Variants in FOXP1 observed in about 807,000 individuals in gnomAD.
The protein encoded by FOXP1 is forkhead box P1, also known as forkhead box protein P1.
A neutral mutation model predicts 98.2 loss-of-function variants in FOXP1; 15 were observed. The ratio of observed to expected loss-of-function variants is 0.15; its 90% CI spans 0.10 to 0.24. The LOEUF is 0.24. Among genes scored for constraint, FOXP1 ranks in the 10% least tolerant of loss-of-function variants. FOXP1 has a pLI of 1.00. For missense variants in FOXP1, 633 were observed against 848.5 expected (o/e 0.75, Z 3.15); for synonymous variants, 371 against 314.5 (o/e 1.18, Z -1.90).
In FOXP1 at chr3:71,508,706, C is replaced by G. The variant is rs888215020; in HGVS notation, c.-297-15151G>C. Among the ~76,000 whole-genome samples, 7 of 152,130 alleles carry G rather than the reference C, an allele frequency of 4.6e-5. No homozygotes were observed. In the South Asian group the frequency reaches 1.0e-3, roughly 23 times the overall value. ...GCAATGTGTCCCAATATCTTTTAAC[C>G]AATTATCGTAATAGATCCTACAACC... On this transcript the variant is annotated intron_variant, in intron 2 of 20. Coordinates refer to ENST00000649528, the MANE Select transcript of FOXP1 (RefSeq NM_001349338.3).
chr3:71,163,702 TC>T (rs750722360), intron 6 of FOXP1, among the ~76,000 whole-genome samples: 52 of 152,288 alleles, frequency 3.4e-4, no homozygotes, highest in South Asian at 6.2e-4. Context: ...TCTGTTTAGT[TC>T]ATCATTCCTA....
At chr3:71,289,122 T>C (rs1733513) in intron 5 of FOXP1, among the ~76,000 whole-genome samples, 140,471 of 151,906 alleles carry the variant, frequency 0.92, 64,988 homozygotes, top group Admixed American at 0.95. Flanking sequence ...GCAACCTCCG[T>C]CTCCCGGGTC....
At chr3:71,371,926 T>G (rs183164244) in intron 3 of FOXP1, among the ~76,000 whole-genome samples, 20 of 152,250 alleles carry the variant, frequency 1.3e-4, no homozygotes, top group African/African-American at 4.8e-4. Flanking sequence ...TATTCCTTAC[T>G]CTGAGGCTTA....
At chr3:71,466,295 G>A (rs2088727493) in intron 3 of FOXP1, among the ~76,000 whole-genome samples, 1 of 152,126 alleles carries the variant, frequency 6.6e-6, no homozygotes, top group Non-Finnish European at 1.5e-5. Flanking sequence ...ATCTGAACAG[G>A]CGAGCTGCTA....
intron 5 of FOXP1, among the ~76,000 whole-genome samples, chr3:71,251,742 A>T (rs2068206135): frequency 6.6e-6 from 1 of 152,242 alleles, no homozygotes; most frequent in Admixed American, 6.5e-5. Context: ...TGATACCAAG[A>T]AATTTTAGCT....
Position 71,569,296 on chromosome 3 carries a change from C to T in FOXP1, c.-298+12253G>A, listed in dbSNP as rs368119623. On this transcript the variant is annotated intron_variant, in intron 2 of 20. Coordinates refer to ENST00000649528, the MANE Select transcript of FOXP1 (RefSeq NM_001349338.3). ...AGCAGTTCCGTTTACCAAATATGCA[C>T]ATGTGTACACAAGTGCATGCAGACG... is the stretch of plus-strand genomic sequence containing the variant. Among the ~76,000 whole-genome samples, 5 of 152,312 alleles carry T rather than the reference C, an allele frequency of 3.3e-5. No homozygotes were observed. The East Asian group carries it at 7.7e-4, about 24-fold the overall frequency.
intron 5 of FOXP1, among the ~76,000 whole-genome samples, chr3:71,272,500 G>C (rs1238052703): frequency 6.6e-6 from 1 of 152,182 alleles, no homozygotes; most frequent in South Asian, 2.1e-4. Context: ...CTCAGTAATA[G>C]AGAAGACCTA....
At chr3:71,216,330 T>C (rs2064924178) in intron 5 of FOXP1, among the ~76,000 whole-genome samples, 1 of 152,244 alleles carries the variant, frequency 6.6e-6, no homozygotes, top group Admixed American at 6.5e-5. Flanking sequence ...ATTTACAAAT[T>C]TCTGGTTCTT....
chr3:71,250,235 C>T (rs2068074736), intron 5 of FOXP1, among the ~76,000 whole-genome samples: 1 of 152,206 alleles, frequency 6.6e-6, no homozygotes, highest in South Asian at 2.1e-4. Flanking sequence ...CAGACGTTGC[C>T]AAATGTCCCC....
At chr3:71,522,847 T>C (rs967971063) in intron 2 of FOXP1, among the ~76,000 whole-genome samples, 5 of 152,218 alleles carry the variant, frequency 3.3e-5, no homozygotes, top group Admixed American at 6.5e-5. Context: ...GCCATGTCTC[T>C]TTCCCATGGT....
chr3:71,478,794 C>CT (rs1247443238), intron 3 of FOXP1, among the ~76,000 whole-genome samples: 1 of 152,212 alleles, frequency 6.6e-6, no homozygotes, highest in African/African-American at 2.4e-5. Context: ...TGTGACATGG[C>CT]TGTTGCCATG....
At chr3:71,115,988 A>G (rs917072335) in intron 6 of FOXP1, among the ~76,000 whole-genome samples, 2 of 151,924 alleles carry the variant, frequency 1.3e-5, no homozygotes. Context: ...TGCCCGCCTC[A>G]GCTTCCCAAA....
intron 3 of FOXP1, among the ~76,000 whole-genome samples, chr3:71,381,189 C>T (rs377108593): frequency 6.2e-5 from 9 of 145,340 alleles, no homozygotes; most frequent in East Asian, 2.0e-4. Flanking sequence ...CTTGCTCTGT[C>T]GCCCAGGCTG....
rs2058303912 is a variant in FOXP1 at position 71,115,478 on chromosome 3, A to C, written c.181-2841T>G. Among the ~76,000 whole-genome samples, 5 of 151,800 alleles carry C rather than the reference A, an allele frequency of 3.3e-5. No homozygotes were observed. In the South Asian group the frequency reaches 1.0e-3, roughly 32 times the overall value. On this transcript the variant is annotated intron_variant, in intron 6 of 20. Transcript: ENST00000649528. ...CAGCCTCCTGAGTAGCTGGGACTAC[A>C]GACGTGTGCCACCACACCCAGCTAA...
chr3:71,398,047 C>T (rs2081665910), intron 3 of FOXP1, among the ~76,000 whole-genome samples: 1 of 152,136 alleles, frequency 6.6e-6, no homozygotes, highest in Non-Finnish European at 1.5e-5. Flanking sequence ...AAGATACAAC[C>T]ATTTTCTTTT....
intron 11 of FOXP1, among the ~76,000 whole-genome samples, chr3:71,020,231 T>G (rs746466307): frequency 3.9e-5 from 6 of 152,220 alleles, no homozygotes; most frequent in Admixed American, 6.5e-5. Context: ...ATGAAAAGTA[T>G]AATTACATAT....
chr3:70,961,630 A>ATT (rs140091662), intron 20 of FOXP1, among the ~76,000 whole-genome samples: 1 of 147,418 alleles, frequency 6.8e-6, no homozygotes, highest in Non-Finnish European at 1.5e-5. Flanking sequence ...ACGGATGGGG[A>ATT]TTTTTTTTTT....
Position 71,315,274 on chromosome 3 carries a change from C to A in FOXP1, c.-72-15394G>T, listed in dbSNP as rs74341843. On this transcript the variant is annotated intron_variant, in intron 4 of 20. Transcript: ENST00000649528. ...AAGGCACAGAACCACTTTCCAGCCA[C>A]ACCAGGGCGCTTTATCAGCAACAGA... Among the ~76,000 whole-genome samples the A allele has an allele frequency of 9.4e-3, 1,423 of 152,184 alleles. 25 individuals are homozygous for A. The highest frequency in any genetic ancestry group is 0.033 in the African/African-American group (1,359 of 41,520).
At chr3:71,358,789 G>A (rs1379817896) in intron 4 of FOXP1, among the ~76,000 whole-genome samples, 1 of 152,080 alleles carries the variant, frequency 6.6e-6, no homozygotes, top group African/African-American at 2.4e-5. Flanking sequence ...ACACCCCTTT[G>A]CTTGTATATT....
Sources: gnomAD v4.1 joint callset for allele counts (sites outside exome capture counted in the v4.1 genomes callset) on GRCh38, gnomAD v4.1.1 for gene constraint, MANE v1.5 for transcripts, NCBI Gene and HGNC (gene_info 2026-07-23, HGNC 2026-07-21) for gene names.